SEPTIN2: variants seen among roughly 807,000 people sequenced by gnomAD.
SEPTIN2 encodes septin 2.
Under a neutral mutation model 46.5 loss-of-function variants are expected in SEPTIN2, and 34 were observed. The observed-to-expected ratio is 0.73, with a 90% confidence interval of 0.56 to 0.97. The LOEUF (loss-of-function observed/expected upper bound fraction) is 0.97. Among genes scored for constraint, SEPTIN2 ranks in the 50% least tolerant of loss-of-function variants. SEPTIN2 has a pLI of 0.00. For synonymous variants in SEPTIN2, 175 were observed against 153.4 expected (o/e 1.14, Z -1.04); for missense variants, 347 against 448.4 (o/e 0.77, Z 2.04).
At chr2:241,338,918 TAATTGTACATATATTTA>T (rs1282336530) in intron 7 of SEPTIN2, among the ~76,000 whole-genome samples, 9 of 92,382 alleles carry the variant, frequency 9.7e-5, no homozygotes, top group East Asian at 2.5e-4. Context: ...ATAATATATA[TAATTGTACATATATTTA>T]TTATATATAT....
chr2:241,331,570 T>C (rs2079015887), intron 3 of SEPTIN2, among the ~76,000 whole-genome samples: 1 of 152,226 alleles, frequency 6.6e-6, no homozygotes, highest in African/African-American at 2.4e-5. Flanking sequence ...TTTGTATTTT[T>C]AGTAGAAATG....
intron 7 of SEPTIN2, among the ~76,000 whole-genome samples, 176 bp from the exon 8 acceptor site, chr2:241,342,816 G>A (rs773275186): frequency 2.6e-5 from 4 of 152,006 alleles, no homozygotes; most frequent in Non-Finnish European, 5.9e-5. Context: ...GATTACAGAC[G>A]TGAGCCACCA....
At chr2:241,343,115 A>G in intron 8 of SEPTIN2, 22 bp downstream of exon 8, 3 of 1,310,076 alleles carry the variant, frequency 2.3e-6, no homozygotes, top group South Asian at 2.4e-5. Context: ...CTTCAGATCC[A>G]CAACATAAAT....
rs1378930410 is a variant in SEPTIN2, at chr2:241,323,027, TTTTTTTAA to T, written c.-17-1174_-17-1167del. The stretch of plus-strand genomic sequence containing the variant: ...ACAGTTGCTTTTATCAACTTAAAAA[TTTTTTTAA>T]TTTTTTAATTTTTTGTAGAGATAGG... On this transcript the variant is annotated intron_variant, in intron 1 of 12. Transcript: ENST00000391971. Among the ~76,000 whole-genome samples the T allele has an allele frequency of 9.9e-5, 15 of 152,256 alleles. No homozygotes were observed. In the East Asian group the frequency reaches 1.7e-3, roughly 18 times the overall value.
intron 2 of SEPTIN2, 94 bp from the exon 3 acceptor site, chr2:241,325,899 T>G: frequency 8.1e-7 from 1 of 1,238,068 alleles, no homozygotes; most frequent in African/African-American, 1.5e-5. Flanking sequence ...TTGTGAAAAC[T>G]GATAACCTAT....
intron 1 of SEPTIN2, among the ~76,000 whole-genome samples, chr2:241,321,758 G>A (rs922780151): frequency 1.3e-5 from 2 of 151,914 alleles, no homozygotes; most frequent in Admixed American, 1.3e-4. Flanking sequence ...TGATGAAGTT[G>A]CTGTTTCCTC....
At chr2:241,336,426 A>T in intron 5 of SEPTIN2, 1 of 285,302 alleles carries the variant, frequency 3.5e-6, no homozygotes, top group East Asian at 7.7e-5. Context: ...AACCTGTTAG[A>T]GAGTGGGTTG....
At chr2:241,318,406 G>A (rs1404850580) in intron 1 of SEPTIN2, 1 of 152,122 alleles carries the variant, frequency 6.6e-6, no homozygotes, top group Non-Finnish European at 1.5e-5. Context: ...TGAACTTAAA[G>A]CTCATTTTAT....
intron 1 of SEPTIN2, among the ~76,000 whole-genome samples, chr2:241,323,660 G>T (rs149011382): frequency 4.3e-4 from 65 of 152,258 alleles, no homozygotes; most frequent in African/African-American, 1.4e-3. Context: ...TAATCAAAAG[G>T]CTCCTGATTC....
chr2:241,319,437 A>G (rs924814217), intron 1 of SEPTIN2, among the ~76,000 whole-genome samples: 2 of 152,356 alleles, frequency 1.3e-5, no homozygotes, highest in East Asian at 1.9e-4. Context: ...ATAGGTCTTC[A>G]TGTAAAAGTT....
intron 1 of SEPTIN2, among the ~76,000 whole-genome samples, chr2:241,322,243 T>C (rs927331670): frequency 1.3e-5 from 2 of 152,168 alleles, no homozygotes; most frequent in Admixed American, 6.5e-5. Flanking sequence ...TTGGGGTTGT[T>C]ACTGAAGGTT....
At chr2:241,344,793 C>T (rs979101884) in intron 9 of SEPTIN2, among the ~76,000 whole-genome samples, 33 of 152,206 alleles carry the variant, frequency 2.2e-4, no homozygotes, top group African/African-American at 7.5e-4. Flanking sequence ...AGGCCGGGTG[C>T]GGTGGCTCAT....
At chr2:241,326,250 A>G (rs989365569) in intron 3 of SEPTIN2, 137 bp downstream of exon 3, 12 of 704,562 alleles carry the variant, frequency 1.7e-5, no homozygotes, top group African/African-American at 3.7e-5. Flanking sequence ...GAACAAATAT[A>G]TGTGTATTCA....
intron 2 of SEPTIN2, among the ~76,000 whole-genome samples, chr2:241,325,670 C>T (rs183360330): frequency 1.3e-5 from 2 of 152,176 alleles, no homozygotes; most frequent in Non-Finnish European, 2.9e-5. Context: ...TCTCTCAAGT[C>T]GAAATTTGAA....
intron 1 of SEPTIN2, chr2:241,320,081 G>T (rs2076926175): frequency 8.6e-6 from 3 of 350,020 alleles, no homozygotes; most frequent in Non-Finnish European, 1.2e-5. Context: ...ATTTATATTT[G>T]TGAGTGAGAT....
chr2:241,331,428 G>C (rs2078990773), intron 3 of SEPTIN2, among the ~76,000 whole-genome samples: 1 of 152,144 alleles, frequency 6.6e-6, no homozygotes, highest in Non-Finnish European at 1.5e-5. Context: ...AGACAGTCTT[G>C]CTCTGTCATC....
intron 9 of SEPTIN2, among the ~76,000 whole-genome samples, chr2:241,344,576 C>T (rs190082570): frequency 1.3e-5 from 2 of 152,114 alleles, no homozygotes; most frequent in East Asian, 1.9e-4. Flanking sequence ...GTGGTGCGCA[C>T]CTGTAATCCC....
intron 1 of SEPTIN2, chr2:241,317,541 T>TC: frequency 1.0e-6 from 1 of 974,204 alleles, no homozygotes; most frequent in Non-Finnish European, 1.2e-6. Context: ...GGGTATTTTT[T>TC]TTTTTTTTTT....
At chr2:241,331,377 A>G (rs778323428) in intron 3 of SEPTIN2, among the ~76,000 whole-genome samples, 7 of 152,182 alleles carry the variant, frequency 4.6e-5, no homozygotes, top group African/African-American at 1.2e-4. Context: ...GATTGGAACT[A>G]TTATGCCCTT....
Sources: allele counts gnomAD v4.1 joint callset (sites outside exome capture counted in the v4.1 genomes callset), GRCh38; gene constraint gnomAD v4.1.1; transcripts MANE v1.5; gene names NCBI Gene and HGNC (gene_info 2026-07-23, HGNC 2026-07-21).